The following PROX2 variants were observed in gnomAD, a reference collection of about 807,000 sequenced individuals.
The protein encoded by PROX2 is prospero homeobox protein 2.
PROX2 carries 46 observed loss-of-function variants against 48.9 expected under a neutral mutation model. The ratio of observed to expected loss-of-function variants is 0.94; its 90% CI spans 0.74 to 1.20. The LOEUF (loss-of-function observed/expected upper bound fraction) is 1.20, where lower values mean the gene tolerates loss of function less well. Ranked by LOEUF, PROX2 falls within the 50% of genes most tolerant of loss-of-function variation. The probability of loss-of-function intolerance (pLI) is 0.00; values close to 1 mark genes in which losing one functional copy is unlikely to be tolerated. For synonymous variants in PROX2, 260 were observed against 276.6 expected (o/e 0.94, Z 0.60); for missense variants, 663 against 719.4 (o/e 0.92, Z 0.90).
chr14:74,874,311 G>A (rs530173393), intron 1 of PROX2: 1 of 298,516 alleles, frequency 3.3e-6, no homozygotes, highest in African/African-American at 2.4e-5. Flanking sequence ...GGAGTGCAGT[G>A]GCGTGATCTT....
chr14:74,858,344 C>T, intron 4 of PROX2, 63 bp downstream of exon 4: 1 of 1,016,364 alleles, frequency 9.8e-7, no homozygotes, highest in Non-Finnish European at 1.5e-6. Context: ...TGCCTCACAC[C>T]AGGCAAAACA....
intron 2 of PROX2, among the ~76,000 whole-genome samples, chr14:74,864,891 C>G (rs2091831426): frequency 4.0e-5 from 6 of 151,168 alleles, no homozygotes; most frequent in Admixed American, 4.0e-4. Context: ...CACCTGTAAT[C>G]CCAGCACTTT....
chr14:74,858,785 TGTGTG>T (rs2091769005), intron 3 of PROX2: 1 of 212,158 alleles, frequency 4.7e-6, no homozygotes, highest in Non-Finnish European at 8.5e-6. Flanking sequence ...ATTTTGTGTG[TGTGTG>T]TGTGTGTGTG....
chr14:74,870,440 AT>A (rs1217146662), intron 2 of PROX2, among the ~76,000 whole-genome samples: 3 of 117,354 alleles, frequency 2.6e-5, no homozygotes, highest in South Asian at 2.6e-4. Context: ...AAAAAAAAAA[AT>A]ACACACACAC....
At chr14:74,859,785 C>T (rs2091780877) in intron 3 of PROX2, among the ~76,000 whole-genome samples, 1 of 152,180 alleles carries the variant, frequency 6.6e-6, no homozygotes. Context: ...GGCCCAGGCA[C>T]CTAGTTGCTG....
intron 1 of PROX2, 98 bp from the exon 2 acceptor site, chr14:74,871,335 A>G (rs1048959935): frequency 1.3e-5 from 2 of 152,190 alleles, no homozygotes; most frequent in Non-Finnish European, 2.9e-5. Context: ...CCTCGGTACC[A>G]GAAATAAAAA....
chr14:74,863,660 C>A lies in PROX2; in HGVS notation c.175G>T (p.Glu59Ter), dbSNP rs376935828. ...SPTDPEWFGD[E>*]HIQAKRARVE... is the part of the protein sequence containing the mutation. ...CTGGCCCTCTTTGCCTGGATGTGCT[C>A]ATCACCAAACCATTCGGGGTCTGTA... The change falls in exon 3 of 6, where the codon GAG becomes TAG. Residue 59 changes from glutamate to a stop codon, truncating the protein, a stop_gained. Coordinates refer to ENST00000556489, the MANE Select transcript of PROX2 (RefSeq NM_001243007.2). LOFTEE classifies it high-confidence loss of function. The A allele has an allele frequency of 6.4e-7, 1 of 1,568,910 alleles. No homozygotes were observed. The highest frequency in any genetic ancestry group is 1.2e-5 in the South Asian group (1 of 81,862).
chr14:74,861,074 T>G, intron 3 of PROX2: 1 of 494,770 alleles, frequency 2.0e-6, no homozygotes, highest in East Asian at 6.1e-5. Flanking sequence ...TTGGGGTGTT[T>G]CCAACACTTT....
At chr14:74,867,720 C>G (rs914345137) in intron 2 of PROX2, among the ~76,000 whole-genome samples, 1 of 152,152 alleles carries the variant, frequency 6.6e-6, no homozygotes, top group African/African-American at 2.4e-5. Context: ...AGCATAGAAC[C>G]ACTAAAGCTG....
Position 74,863,434 on chromosome 14 carries a change from T to C in PROX2, c.401A>G (p.Glu134Gly). Residue 134 changes from glutamate (E) to glycine (G), a missense_variant, in exon 3 of 6, where the codon GAA becomes GGA. By Grantham distance (98) the Glu-to-Gly change is moderately conservative (BLOSUM62 -2). Coordinates refer to ENST00000556489, the MANE Select transcript of PROX2 (RefSeq NM_001243007.2). ...GNRKGGPRVREQLHLLKQQLR... is the reference protein window; with the variant it reads ...GNRKGGPRVRGQLHLLKQQLR... ...CTGTTGCTTCAGCAGATGAAGTTGT[T>C]CTCTCACACGAGGGCCCCCCTTCCT... 2 of 1,613,398 alleles carry C rather than the reference T, an allele frequency of 1.2e-6. No homozygotes were observed. The highest frequency in any genetic ancestry group is 1.7e-6 in the Non-Finnish European group (2 of 1,179,564).
In PROX2 at chr14:74,863,708, T is replaced by G; in HGVS notation, c.127A>C (p.Ser43Arg). ...GTAGGGCTGGAGCTGGGGACCTGACTCCAGGGAAACGGGGAGTCTCTATCC... is the reference window on the plus strand; with the variant it reads ...GTAGGGCTGGAGCTGGGGACCTGACGCCAGGGAAACGGGGAGTCTCTATCC... ...ELDRDSPFPWSQVPSSSPTDP... is the reference protein window; with the variant it reads ...ELDRDSPFPWRQVPSSSPTDP... Residue 43 changes from serine to arginine, a missense_variant, in exon 3 of 6, where the codon AGT (serine) becomes CGT (arginine). Ser to Arg is a moderately radical substitution (Grantham distance 110). Transcript: ENST00000556489. The G allele has an allele frequency of 6.5e-7, 1 of 1,533,542 alleles. No individual in the cohort carries two copies. The highest frequency in any genetic ancestry group is 8.7e-7 in the Non-Finnish European group (1 of 1,143,746). 95.0% of individuals were successfully genotyped at this position (1,533,542 alleles called of 1,614,324 possible).
In PROX2 at chr14:74,863,344, C is replaced by T. The variant is rs2140168866; in HGVS notation, c.491G>A (p.Gly164Glu). 5 of 1,614,068 alleles carry T rather than the reference C, an allele frequency of 3.1e-6. No individual in the cohort carries two copies. In the South Asian group the frequency reaches 4.4e-5, roughly 14 times the overall value. ...AKPRDTAQGP[G>E]GCGTGKGPLS... is the part of the protein sequence containing the mutation. The stretch of plus-strand genomic sequence containing the variant: ...AGGGCCTTTCCCCGTGCCACAGCCT[C>T]CTGGCCCCTGAGCTGTGTCCCTGGG... Residue 164 changes from glycine to glutamate, a missense_variant, in exon 3 of 6, where the codon GGA becomes GAA. Physicochemically the swap from Gly to Glu is moderately conservative, Grantham distance 98 (BLOSUM62 -2). Coordinates refer to ENST00000556489, the MANE Select transcript of PROX2 (RefSeq NM_001243007.2).
chr14:74,865,817 C>T (rs990195862), intron 2 of PROX2, among the ~76,000 whole-genome samples: 16 of 151,822 alleles, frequency 1.1e-4, no homozygotes, highest in African/African-American at 3.1e-4. Context: ...GGCAACAGAG[C>T]GAGACTCTGT....
chr14:74,870,766 G>T (rs547901974), intron 2 of PROX2, among the ~76,000 whole-genome samples: 1 of 152,034 alleles, frequency 6.6e-6, no homozygotes, highest in Non-Finnish European at 1.5e-5. Flanking sequence ...TAGGCCGGGC[G>T]CAGGGGCTCA....
intron 1 of PROX2, among the ~76,000 whole-genome samples, chr14:74,873,108 C>T (rs1192049281): frequency 3.9e-5 from 6 of 152,088 alleles, no homozygotes; most frequent in Non-Finnish European, 8.8e-5. Context: ...CTCAGCCTCC[C>T]GAGTAGCTGG....
At chr14:74,860,404 G>C (rs186374388) in intron 3 of PROX2, among the ~76,000 whole-genome samples, 3 of 152,008 alleles carry the variant, frequency 2.0e-5, no homozygotes, top group South Asian at 4.2e-4. Context: ...TCTTAGGGGG[G>C]GAAAATCATA....
In PROX2 at chr14:74,856,858, G is replaced by C; in HGVS notation, c.1551C>G (p.Arg517=). The C allele has an allele frequency of 6.2e-7, 1 of 1,613,988 alleles. No homozygotes were observed. Among genetic ancestry groups the C allele is most frequent in the Non-Finnish European group, 8.5e-7 (1 of 1,179,874 alleles). The part of the protein sequence containing the change: ...VTNPKMLVVL[R]NSELFQALNM... ...TGAGAGCTTGAAAAAGTTCTGAATT[G>C]CGGAGAACCACCAGCATTTTGGGAT... Residue 517 remains arginine, a synonymous_variant, in exon 5 of 6, where the codon CGC becomes CGG. Transcript: ENST00000556489.
At chr14:74,871,957 T>A (rs1188671948) in intron 1 of PROX2, 1 of 152,192 alleles carries the variant, frequency 6.6e-6, no homozygotes, top group African/African-American at 2.4e-5. Flanking sequence ...CCATGGAATA[T>A]CCCTGGAGAG....
chr14:74,854,235 C>G lies in PROX2; in HGVS notation c.*897G>C, dbSNP rs2140158765. On this transcript the variant is annotated 3_prime_UTR_variant, in exon 6 of 6. Transcript: ENST00000556489. ...GCTGGAGACTATTTGCATTATCCAG[C>G]TGATAAACTCTTCCAGCAGACAAAT... 4.3e-6 allele frequency: 2 copies of G among 465,262 alleles called. No homozygotes were observed. The highest frequency in any genetic ancestry group is 2.0e-5 in the African/African-American group (1 of 50,742). 28.8% of individuals were successfully genotyped at this position (465,262 alleles called of 1,614,324 possible).
Sources: gnomAD v4.1 joint callset for allele counts (sites outside exome capture counted in the v4.1 genomes callset) on GRCh38, gnomAD v4.1.1 for gene constraint, MANE v1.5 for transcripts, NCBI Gene and HGNC (gene_info 2026-07-23, HGNC 2026-07-21) for gene names.